Variants in MFAP3L observed in about 807,000 individuals in gnomAD.
MFAP3L encodes the protein microfibril associated protein 3 like.
In MFAP3L, 5 loss-of-function variants were observed where a neutral mutation model predicts 20.0. The observed-to-expected ratio is 0.25, with a 90% CI of 0.13 to 0.53. MFAP3L has a LOEUF of 0.53. Among genes scored for constraint, MFAP3L ranks in the 20% least tolerant of loss-of-function variants. The pLI, the probability that MFAP3L is intolerant of heterozygous loss-of-function variation, is 0.96. For synonymous variants in MFAP3L, 219 were observed against 213.0 expected (o/e 1.03, Z -0.25); for missense variants, 409 against 527.5 (o/e 0.78, Z 2.20).
At chr4:170,012,064 G>C (rs933513658) in intron 1 of MFAP3L, among the ~76,000 whole-genome samples, 3 of 152,100 alleles carry the variant, frequency 2.0e-5, no homozygotes, top group Non-Finnish European at 2.9e-5. Flanking sequence ...CCAAGGATGG[G>C]GGCACTCACA....
Position 169,991,453 on chromosome 4 carries a change from T to C in MFAP3L, c.1155A>G (p.Pro385=), listed in dbSNP as rs1038980260. The change falls in exon 3 of 3, where the codon CCA becomes CCG. Residue 385 remains proline, a synonymous_variant. Transcript: ENST00000361618. This position sits in a 1 kb window ranked among gnomAD's most constrained non-coding sequence, Gnocchi z 4.9. ...CTGGCTCTGTGGCTTCCAGGTAAGCTGGCGGCAGTACCTTATCTGGTACCT... is the reference window on the plus strand; with the variant it reads ...CTGGCTCTGTGGCTTCCAGGTAAGCCGGCGGCAGTACCTTATCTGGTACCT... The part of the protein sequence containing the change: ...PVEVPDKVLP[P]AYLEATEPAV... The C allele has an allele frequency of 1.9e-6, 3 of 1,614,072 alleles. No individual in the cohort carries two copies. The highest frequency in any genetic ancestry group is 2.2e-5 in the East Asian group (1 of 44,882).
At chr4:170,024,411 G>A (rs887473456) in intron 1 of MFAP3L, among the ~76,000 whole-genome samples, 4 of 152,172 alleles carry the variant, frequency 2.6e-5, no homozygotes, top group Non-Finnish European at 5.9e-5. Context: ...GCTAAGGGGA[G>A]ACTCTAGCTA....
At chr4:170,009,801 C>T (rs1488852346) in intron 1 of MFAP3L, among the ~76,000 whole-genome samples, 1 of 152,186 alleles carries the variant, frequency 6.6e-6, no homozygotes, top group East Asian at 1.9e-4. Flanking sequence ...TCTTTTTCCA[C>T]CTATAATCAA....
chr4:170,011,903 G>C (rs1490885187), intron 1 of MFAP3L, among the ~76,000 whole-genome samples: 1 of 152,188 alleles, frequency 6.6e-6, no homozygotes, highest in East Asian at 1.9e-4. Context: ...CCCAAAAGAG[G>C]AATAGAATAT....
rs1421165737 is a variant in MFAP3L at position 169,988,909 on chromosome 4, G to A, written c.*2469C>T. ...TCTGCTCTTGCTCCACTGAAAATCT[G>A]CCCACTTTTAGCTTATTATCACTAT... On this transcript the variant is annotated 3_prime_UTR_variant, in exon 3 of 3. Transcript: ENST00000361618. 1 of 152,056 alleles carries A rather than the reference G, an allele frequency of 6.6e-6. No homozygotes were observed. Among genetic ancestry groups the A allele is most frequent in the Non-Finnish European group, 1.5e-5 (1 of 68,002 alleles). The allele number at this position is 152,056 out of a possible 1,614,324, so 9.4% of individuals were successfully genotyped here. A position where few individuals can be genotyped will look rare whatever the true frequency, so the allele number is the denominator to read the frequency against.
rs1737790512 is a variant in MFAP3L, at chr4:169,992,421, C to G, written c.299-112G>C. 1 of 958,076 alleles carries G rather than the reference C, an allele frequency of 1.0e-6. No individual in the cohort carries two copies. The highest frequency in any genetic ancestry group is 1.6e-5 in the African/African-American group (1 of 60,774). The allele number at this position is 958,076 out of a possible 1,614,324, so 59.3% of individuals were successfully genotyped here. Reference sequence around the variant, plus strand: ...CATCTATGAAGAACATCTATGAAGTCTATGAACGTCGACTTCACATGCTTA... The same window carrying G: ...CATCTATGAAGAACATCTATGAAGTGTATGAACGTCGACTTCACATGCTTA... On this transcript the variant is annotated intron_variant, in intron 2 of 2. Transcript: ENST00000361618. The surrounding 1 kb of genome is among the most constrained non-coding windows in gnomAD (Gnocchi z 4.3).
chr4:170,005,309 A>G (rs1376884816), intron 2 of MFAP3L: 4 of 499,030 alleles, frequency 8.0e-6, no homozygotes, highest in Admixed American at 3.6e-5. Context: ...ATTTGTCTCT[A>G]TAATGTATTG....
At chr4:170,009,863 G>C (rs1354787349) in intron 1 of MFAP3L, among the ~76,000 whole-genome samples, 1 of 152,210 alleles carries the variant, frequency 6.6e-6, no homozygotes, top group Non-Finnish European at 1.5e-5. Context: ...GACCTCTTGT[G>C]TAAGGGGTGT....
chr4:170,004,182 C>G (rs1738880863), intron 2 of MFAP3L, among the ~76,000 whole-genome samples: 1 of 152,116 alleles, frequency 6.6e-6, no homozygotes, highest in Admixed American at 6.5e-5. Flanking sequence ...GTCTCAAACT[C>G]TGGATCTCAG....
chr4:170,005,734 T>G lies in MFAP3L; in HGVS notation c.144A>C (p.Val48=). The change falls in exon 2 of 3, where the codon GTA becomes GTC. Residue 48 remains valine, a synonymous_variant. Transcript: ENST00000361618. ...TGATATGGTCAGTTCTGGCAATGATTACGGGCACAGAGCCCAAGACCACGT... is the reference window on the plus strand; with the variant it reads ...TGATATGGTCAGTTCTGGCAATGATGACGGGCACAGAGCCCAAGACCACGT... ...GTNVVLGSVP[V]IIARTDHIIV... The G allele has an allele frequency of 6.2e-7, 1 of 1,614,226 alleles. No individual in the cohort carries two copies. Among genetic ancestry groups the G allele is most frequent in the Non-Finnish European group, 8.5e-7 (1 of 1,180,042 alleles).
At chr4:170,021,602 T>A (rs1740040808) in intron 1 of MFAP3L, among the ~76,000 whole-genome samples, 1 of 152,206 alleles carries the variant, frequency 6.6e-6, no homozygotes, top group African/African-American at 2.4e-5. Flanking sequence ...AAAATTTGTT[T>A]TTCTTACATG....
intron 1 of MFAP3L, among the ~76,000 whole-genome samples, chr4:170,016,014 G>A (rs1739678860): frequency 6.6e-6 from 1 of 152,172 alleles, no homozygotes; most frequent in East Asian, 1.9e-4. Flanking sequence ...ATTTGGGAAT[G>A]TAATTTTTAT....
upstream of MFAP3L, chr4:170,026,931 G>A (rs1215973270): frequency 1.3e-5 from 2 of 152,204 alleles, no homozygotes; most frequent in Admixed American, 6.5e-5. Flanking sequence ...GGCCTTCCCG[G>A]GCGACTGCGC....
intron 1 of MFAP3L, among the ~76,000 whole-genome samples, chr4:170,008,808 T>G (rs1739198393): frequency 6.6e-6 from 1 of 152,190 alleles, no homozygotes; most frequent in African/African-American, 2.4e-5. Flanking sequence ...ACTTTTCTGT[T>G]TTGAGTAAAT....
At chr4:170,015,366 G>A (rs1231001952) in intron 1 of MFAP3L, among the ~76,000 whole-genome samples, 2 of 152,196 alleles carry the variant, frequency 1.3e-5, no homozygotes, top group Non-Finnish European at 2.9e-5. Flanking sequence ...ACGGTGAGGG[G>A]TAAAGAGAAA....
intron 1 of MFAP3L, among the ~76,000 whole-genome samples, chr4:170,023,287 T>C (rs560890177): frequency 1.1e-4 from 16 of 149,200 alleles, no homozygotes; most frequent in African/African-American, 4.1e-4. Context: ...TGACTTACTC[T>C]TACTCATTTT....
At chr4:170,013,790 C>T (rs1003467333) in intron 1 of MFAP3L, among the ~76,000 whole-genome samples, 6 of 152,142 alleles carry the variant, frequency 3.9e-5, no homozygotes, top group Non-Finnish European at 2.9e-5. Context: ...TATTCTTATT[C>T]ATTCATTCAT....
chr4:170,001,861 C>T, intron 2 of MFAP3L: 5 of 907,008 alleles, frequency 5.5e-6, no homozygotes, highest in Non-Finnish European at 6.6e-6. Context: ...GAAGTGACAG[C>T]ACCAGGCAAG....
intron 1 of MFAP3L, among the ~76,000 whole-genome samples, chr4:170,013,900 T>C (rs776106168): frequency 1.3e-5 from 2 of 152,222 alleles, no homozygotes; most frequent in African/African-American, 4.8e-5. Context: ...CAGAGAGACA[T>C]TTCTCCAGAA....
Sources: allele counts gnomAD v4.1 joint callset (sites outside exome capture counted in the v4.1 genomes callset), GRCh38; gene constraint gnomAD v4.1.1; non-coding constraint Gnocchi (gnomAD v3.1); transcripts MANE v1.5; gene names NCBI Gene and HGNC (gene_info 2026-07-23, HGNC 2026-07-21).